Variants in PPP4R1 observed in about 807,000 individuals in gnomAD.
PPP4R1 encodes protein phosphatase 4 regulatory subunit 1, also known as serine/threonine-protein phosphatase 4 regulatory subunit 1.
In PPP4R1, 42 loss-of-function variants were observed where a neutral mutation model predicts 111.2. That is an observed-to-expected ratio of 0.38 (90% confidence interval 0.29 to 0.49). The LOEUF (loss-of-function observed/expected upper bound fraction) is 0.49, where lower values mean the gene tolerates loss of function less well. Ranked by LOEUF, PPP4R1 falls within the 20% of genes least tolerant of loss-of-function variation. PPP4R1 has a pLI of 0.97. For missense variants in PPP4R1, 1,012 were observed against 1,161.6 expected, an observed-to-expected ratio of 0.87 and a Z score of 1.87; for synonymous variants, 409 against 405.5, an observed-to-expected ratio of 1.01 and a Z score of -0.10.
chr18:9,549,414 C>G, intron 18 of PPP4R1, 76 bp from the exon 19 acceptor site: 1 of 1,530,298 alleles, frequency 6.5e-7, no homozygotes, highest in Admixed American at 1.8e-5. Flanking sequence ...AACAAAATCT[C>G]TGAGTGACCA....
At chr18:9,590,103 T>TG (rs1315031438) in intron 4 of PPP4R1, 5 of 152,180 alleles carry the variant, frequency 3.3e-5, no homozygotes, top group African/African-American at 4.8e-5. Flanking sequence ...ACAGACATGA[T>TG]GGATTATCAG....
Position 9,614,386 on chromosome 18 carries a change from G to GCCGGCC in PPP4R1, c.7+86_7+91dup. On this transcript the variant is annotated intron_variant, in intron 1 of 19. Transcript: ENST00000400556. This position sits in a 1 kb window ranked among gnomAD's most constrained non-coding sequence, Gnocchi z 4.1. The stretch of plus-strand genomic sequence containing the variant: ...GCGCCTTCCCGCGCCGGGACCCCAC[G>GCCGGCC]CCGGCCCCGGCCCGGCAGCCACTCA... The GCCGGCC allele has an allele frequency of 3.1e-6, 3 of 957,794 alleles. No homozygotes were observed. Among genetic ancestry groups the GCCGGCC allele is most frequent in the Non-Finnish European group, 3.7e-6 (3 of 808,084 alleles). 59.3% of individuals were successfully genotyped at this position (957,794 alleles called of 1,614,324 possible). A position where few individuals can be genotyped will look rare whatever the true frequency, so the allele number is the denominator to read the frequency against.
At chr18:9,551,962 A>C (rs543495513) in intron 16 of PPP4R1, 1 of 152,354 alleles carries the variant, frequency 6.6e-6, no homozygotes, top group Admixed American at 6.5e-5. Flanking sequence ...GCAATCACAA[A>C]ACGCAAACCC....
In PPP4R1 at chr18:9,570,106, A is replaced by G. The variant is rs187111911; in HGVS notation, c.1573+51T>C. 8.1e-3 allele frequency: 11,978 copies of G among 1,471,336 alleles called. 70 individuals are homozygous for G. Among genetic ancestry groups the G allele is most frequent in the Non-Finnish European group, 9.8e-3 (10,881 of 1,108,670 alleles). 91.1% of individuals were successfully genotyped at this position (1,471,336 alleles called of 1,614,324 possible). A position where few individuals can be genotyped will look rare whatever the true frequency, so the allele number is the denominator to read the frequency against. ...GAAATGAAATTTTTTTAAGATAGAC[A>G]CTAATATTTTTAATCAATTTCAGAA... On this transcript the variant is annotated intron_variant, in intron 11 of 19. Coordinates refer to ENST00000400556, the MANE Select transcript of PPP4R1 (RefSeq NM_001042388.3).
Position 9,583,098 on chromosome 18 carries a change from G to C in PPP4R1, c.918+19C>G, listed in dbSNP as rs2067056983. ...GACACAAATGTATTATTTTACAAAA[G>C]TGATAATCAAAACCCTACCCAACGT... is the stretch of plus-strand genomic sequence containing the variant. On this transcript the variant is annotated intron_variant, in intron 9 of 19. Coordinates refer to ENST00000400556, the MANE Select transcript of PPP4R1 (RefSeq NM_001042388.3). 2 of 1,579,432 alleles carry C rather than the reference G, an allele frequency of 1.3e-6. No individual in the cohort carries two copies. Among genetic ancestry groups the C allele is most frequent in the South Asian group, 1.2e-5 (1 of 86,844 alleles).
chr18:9,610,486 C>A (rs1411579730), intron 2 of PPP4R1, among the ~76,000 whole-genome samples: 1 of 151,506 alleles, frequency 6.6e-6, no homozygotes, highest in Admixed American at 6.6e-5. Context: ...TTTTTTGAGA[C>A]GGAGTCTTGC....
chr18:9,559,797 A>G lies in PPP4R1; in HGVS notation c.1843-193T>C, dbSNP rs2066644265. 2.0e-5 allele frequency among the ~76,000 whole-genome samples: 3 copies of G among 152,230 alleles called. No individual in the cohort carries two copies. In the South Asian group the frequency reaches 6.2e-4, roughly 32 times the overall value. ...ACGAAAAACATGCTAAGGGAAACATATATGAACAAATAAAAGCAACTCTAG... is the reference window on the plus strand; with the variant it reads ...ACGAAAAACATGCTAAGGGAAACATGTATGAACAAATAAAAGCAACTCTAG... On this transcript the variant is annotated intron_variant, in intron 13 of 19. Coordinates refer to ENST00000400556, the MANE Select transcript of PPP4R1 (RefSeq NM_001042388.3).
chr18:9,584,724 T>G lies in PPP4R1; in HGVS notation c.690A>C (p.Arg230=), dbSNP rs1211496730. The change falls in exon 7 of 20, where the codon CGA becomes CGC. Residue 230 remains arginine (R), a synonymous_variant. Coordinates refer to ENST00000400556, the MANE Select transcript of PPP4R1 (RefSeq NM_001042388.3). ...MCCDCRMFHV[R]KVCAANFGDI... Reference sequence around the variant, plus strand: ...AAAAAAAACGACAAAAAAATACCTTTCGAACGTGAAACATTCTGCAATCGC... The same window carrying G: ...AAAAAAAACGACAAAAAAATACCTTGCGAACGTGAAACATTCTGCAATCGC... The G allele has an allele frequency of 6.2e-7, 1 of 1,613,500 alleles. No homozygotes were observed. Among genetic ancestry groups the G allele is most frequent in the African/African-American group, 1.3e-5 (1 of 75,026 alleles).
chr18:9,567,879 T>C (rs964902533), intron 11 of PPP4R1, among the ~76,000 whole-genome samples: 2 of 152,120 alleles, frequency 1.3e-5, no homozygotes, highest in African/African-American at 2.4e-5. Flanking sequence ...TCCACCAACA[T>C]TGAAGCAAGA....
chr18:9,547,690 C>A lies in PPP4R1; in HGVS notation c.*99G>T. The A allele has an allele frequency of 6.9e-7, 1 of 1,441,016 alleles. No homozygotes were observed. Among genetic ancestry groups the A allele is most frequent in the Non-Finnish European group, 9.5e-7 (1 of 1,047,678 alleles). 89.3% of individuals were successfully genotyped at this position (1,441,016 alleles called of 1,614,324 possible). ...AATGAAGTCCGCAGGAGAGGAAGGT[C>A]TCTCCTCCCCCGAAAGCTATCCCAG... On this transcript the variant is annotated 3_prime_UTR_variant, in exon 20 of 20. Transcript: ENST00000400556.
Position 9,595,106 on chromosome 18 carries a change from A to G in PPP4R1, c.100T>C (p.Ser34Pro). The G allele has an allele frequency of 1.2e-6, 2 of 1,613,902 alleles. No individual in the cohort carries two copies. Among genetic ancestry groups the G allele is most frequent in the Non-Finnish European group, 1.7e-6 (2 of 1,179,826 alleles). ...TCTTGTGAGACAAAGTCCAGGGCTG[A>G]AGGTATAATAATCACATCAGACTCT... ...SSESDVIIIP[S>P]ALDFVSQDEM... The change falls in exon 3 of 20, where the codon TCA (serine) becomes CCA (proline). Residue 34 changes from serine (S) to proline (P), a missense_variant. Physicochemically the swap from Ser to Pro is moderately conservative, Grantham distance 74 (BLOSUM62 -1). Around this residue, in one of 2 missense-constraint regions of PPP4R1, gnomAD observed 707 missense variants for 742.1 expected, o/e 0.95. Transcript: ENST00000400556.
intron 14 of PPP4R1, among the ~76,000 whole-genome samples, chr18:9,558,094 T>C (rs1331479784): frequency 6.6e-6 from 1 of 152,222 alleles, no homozygotes; most frequent in Non-Finnish European, 1.5e-5. Flanking sequence ...CATCCTTTTC[T>C]CCATGGTGCC....
At chr18:9,598,859 TA>T (rs35624023) in intron 2 of PPP4R1, among the ~76,000 whole-genome samples, 81,462 of 150,952 alleles carry the variant, frequency 0.54, 22,116 homozygotes, top group Middle Eastern at 0.66. Context: ...ACCTTGCCTC[TA>T]AAAAAAAATA....
chr18:9,565,735 T>G (rs2066754205), intron 11 of PPP4R1, among the ~76,000 whole-genome samples: 1 of 152,204 alleles, frequency 6.6e-6, no homozygotes. Context: ...AGGTTAGGAA[T>G]CTGAGAAGAA....
chr18:9,609,631 A>G (rs1422380153), intron 2 of PPP4R1, among the ~76,000 whole-genome samples: 2 of 152,358 alleles, frequency 1.3e-5, no homozygotes, highest in East Asian at 3.9e-4. Flanking sequence ...TTTCAACGTC[A>G]TACTTAGTTA....
At chr18:9,550,214 G>C in intron 17 of PPP4R1, 28 bp from the exon 18 acceptor site, 3 of 1,614,152 alleles carry the variant, frequency 1.9e-6, no homozygotes, top group Non-Finnish European at 2.5e-6. Context: ...GAGAAATGAG[G>C]AACAGCTTCC....
intron 15 of PPP4R1, among the ~76,000 whole-genome samples, chr18:9,554,035 A>C (rs991620523): frequency 6.6e-6 from 1 of 152,200 alleles, no homozygotes; most frequent in Admixed American, 6.5e-5. Context: ...GGAAGTCCTG[A>C]ATATTATGTA....
intron 13 of PPP4R1, among the ~76,000 whole-genome samples, chr18:9,560,514 C>T (rs1301835432): frequency 1.3e-5 from 2 of 152,008 alleles, no homozygotes; most frequent in Admixed American, 6.6e-5. Flanking sequence ...GAGAGGGGAA[C>T]ATCACTGAAT....
chr18:9,616,130 A>G (rs2067685506), upstream of PPP4R1, among the ~76,000 whole-genome samples: 1 of 152,238 alleles, frequency 6.6e-6, no homozygotes, highest in Admixed American at 6.5e-5. Context: ...AGAAATTCAC[A>G]TCAACAGCAA....
Sources: allele counts gnomAD v4.1 joint callset (sites outside exome capture counted in the v4.1 genomes callset), GRCh38; gene constraint gnomAD v4.1.1; regional missense constraint gnomAD v4.1.1; non-coding constraint Gnocchi (gnomAD v3.1); transcripts MANE v1.5; gene names NCBI Gene and HGNC (gene_info 2026-07-23, HGNC 2026-07-21).